Variants in SPIRE1 observed in about 807,000 individuals in gnomAD.
SPIRE1 encodes the protein protein spire homolog 1.
In SPIRE1, 40 loss-of-function variants were observed where a neutral mutation model predicts 94.1. The observed-to-expected ratio is 0.43, with a 90% CI of 0.33 to 0.55. The LOEUF is 0.55. Among genes scored for constraint, SPIRE1 ranks in the 20% least tolerant of loss-of-function variants. SPIRE1 has a pLI of 0.06. For synonymous variants in SPIRE1, 376 were observed against 371.7 expected (o/e 1.01, Z -0.13); for missense variants, 838 against 975.2 (o/e 0.86, Z 1.87).
chr18:12,482,868 A>G (rs1041302646), intron 9 of SPIRE1, among the ~76,000 whole-genome samples: 3 of 152,130 alleles, frequency 2.0e-5, no homozygotes, highest in African/African-American at 7.2e-5. Flanking sequence ...TGTAACAGCC[A>G]GGTTTCAAGA....
chr18:12,497,674 C>G (rs766583575), intron 6 of SPIRE1, among the ~76,000 whole-genome samples: 25 of 152,090 alleles, frequency 1.6e-4, no homozygotes, highest in Non-Finnish European at 3.1e-4. Context: ...GGAGGGTGAT[C>G]GAGAAGCAGA....
chr18:12,656,905 T>C (rs2038554196), intron 1 of SPIRE1, among the ~76,000 whole-genome samples: 1 of 152,262 alleles, frequency 6.6e-6, no homozygotes. Flanking sequence ...AATCAGTATT[T>C]TCTAACGTCC....
chr18:12,638,766 G>A (rs944354707), intron 1 of SPIRE1, among the ~76,000 whole-genome samples: 2 of 152,226 alleles, frequency 1.3e-5, no homozygotes, highest in African/African-American at 4.8e-5. Context: ...GTGATAGCGA[G>A]TTATCATGAG....
At chr18:12,456,169 G>A (rs892919446) in intron 12 of SPIRE1, among the ~76,000 whole-genome samples, 4 of 152,064 alleles carry the variant, frequency 2.6e-5, no homozygotes, top group Non-Finnish European at 5.9e-5. Context: ...CCTAAAATAC[G>A]CATTTAAAAA....
intron 8 of SPIRE1, among the ~76,000 whole-genome samples, chr18:12,491,408 A>C (rs925091691): frequency 6.6e-6 from 1 of 152,036 alleles, no homozygotes; most frequent in African/African-American, 2.4e-5. Flanking sequence ...ATAAAGTTAC[A>C]ATAACAAAAA....
chr18:12,572,765 A>C (rs1170293483), intron 2 of SPIRE1, among the ~76,000 whole-genome samples: 1 of 152,240 alleles, frequency 6.6e-6, no homozygotes, highest in Non-Finnish European at 1.5e-5. Flanking sequence ...CAAAGGAGCA[A>C]AAGCAATACA....
At chr18:12,600,087 C>G (rs1258701825) in intron 2 of SPIRE1, among the ~76,000 whole-genome samples, 2 of 145,486 alleles carry the variant, frequency 1.4e-5, no homozygotes, top group African/African-American at 5.1e-5. Context: ...AGGGCATTCT[C>G]CAGCCAATGG....
At chr18:12,492,930 GA>G in intron 8 of SPIRE1, 141 bp downstream of exon 8, 1 of 923,562 alleles carries the variant, frequency 1.1e-6, no homozygotes, top group South Asian at 2.0e-5. Flanking sequence ...ATGTATACGA[GA>G]GAGTGAGAGG....
chr18:12,533,113 G>C (rs796366547), intron 4 of SPIRE1, among the ~76,000 whole-genome samples: 1 of 152,202 alleles, frequency 6.6e-6, no homozygotes, highest in African/African-American at 2.4e-5. Flanking sequence ...ACTGGGAAAG[G>C]GTGAGATGGA....
intron 2 of SPIRE1, among the ~76,000 whole-genome samples, chr18:12,565,892 G>C (rs2035806597): frequency 6.6e-6 from 1 of 151,468 alleles, no homozygotes; most frequent in Non-Finnish European, 1.5e-5. Flanking sequence ...AAGTTGGCTG[G>C]GCATGGTGGT....
At chr18:12,601,508 C>T (rs191588383) in intron 2 of SPIRE1, among the ~76,000 whole-genome samples, 4 of 152,228 alleles carry the variant, frequency 2.6e-5, no homozygotes, top group South Asian at 4.1e-4. Context: ...TCAAAATGTA[C>T]AATTATTTAA....
At chr18:12,564,590 A>AG (rs1215774753) in intron 2 of SPIRE1, among the ~76,000 whole-genome samples, 1 of 152,218 alleles carries the variant, frequency 6.6e-6, no homozygotes, top group African/African-American at 2.4e-5. Flanking sequence ...TACAGATGAG[A>AG]GCAGAGGGCA....
chr18:12,461,409 C>A (rs1187983706), intron 12 of SPIRE1, among the ~76,000 whole-genome samples: 1 of 111,706 alleles, frequency 9.0e-6, no homozygotes. Context: ...TACCTATACA[C>A]ATGTATGTGT....
chr18:12,538,057 A>G (rs1400891614), intron 3 of SPIRE1, among the ~76,000 whole-genome samples: 1 of 152,170 alleles, frequency 6.6e-6, no homozygotes, highest in Non-Finnish European at 1.5e-5. Context: ...TTTAGAGATC[A>G]GGAAACTGAG....
At chr18:12,621,660 A>T (rs9989568) in intron 2 of SPIRE1, among the ~76,000 whole-genome samples, 85,072 of 152,076 alleles carry the variant, frequency 0.56, 24,970 homozygotes, top group Middle Eastern at 0.75. Flanking sequence ...AGAATAGGCA[A>T]ATCTATACAT....
At chr18:12,593,657 A>G (rs2036591948) in intron 2 of SPIRE1, among the ~76,000 whole-genome samples, 2 of 152,216 alleles carry the variant, frequency 1.3e-5, no homozygotes, top group African/African-American at 2.4e-5. Flanking sequence ...CACTTAAGAA[A>G]GCATGCAATT....
At chr18:12,661,606 T>C (rs2038696192), upstream of SPIRE1, among the ~76,000 whole-genome samples, 1 of 151,694 alleles carries the variant, frequency 6.6e-6, no homozygotes, top group Non-Finnish European at 1.5e-5. Context: ...ACCTCGTCTC[T>C]ACTAAAAATG....
At chr18:12,539,088 A>G (rs2034927883) in intron 3 of SPIRE1, among the ~76,000 whole-genome samples, 1 of 152,208 alleles carries the variant, frequency 6.6e-6, no homozygotes, top group Non-Finnish European at 1.5e-5. Flanking sequence ...GCATCCAATC[A>G]TTCATTCAAA....
intron 4 of SPIRE1, among the ~76,000 whole-genome samples, chr18:12,517,738 C>T (rs2144072186): frequency 6.6e-6 from 1 of 152,308 alleles, no homozygotes; most frequent in South Asian, 2.1e-4. Context: ...CTCTGTGAAT[C>T]AGAAGTATGT....
Sources: allele counts gnomAD v4.1 joint callset (sites outside exome capture counted in the v4.1 genomes callset), GRCh38; gene constraint gnomAD v4.1.1; transcripts MANE v1.5; gene names NCBI Gene and HGNC (gene_info 2026-07-23, HGNC 2026-07-21).